The following EOGT variants were observed in gnomAD, a reference collection of about 807,000 sequenced individuals.
EOGT encodes EGF domain-specific O-linked N-acetylglucosamine transferase.
Under a neutral mutation model 70.5 loss-of-function variants are expected in EOGT, and 55 were observed. The observed-to-expected ratio is 0.78, with a 90% CI of 0.63 to 0.98. EOGT has a LOEUF of 0.98. Ranked by LOEUF, EOGT falls within the 50% of genes least tolerant of loss-of-function variation. The pLI, the probability that EOGT is intolerant of heterozygous loss-of-function variation, is 0.00. For missense variants in EOGT, 703 were observed against 641.9 expected (o/e 1.10, Z -1.03); for synonymous variants, 246 against 217.1 (o/e 1.13, Z -1.17).
intron 9 of EOGT, among the ~76,000 whole-genome samples, chr3:68,998,964 C>T (rs931477797): frequency 8.6e-5 from 13 of 151,668 alleles, no homozygotes; most frequent in African/African-American, 3.1e-4. Context: ...CCTATTTAAT[C>T]ATTACATGTA....
At chr3:68,994,410 G>A (rs555754456) in intron 10 of EOGT, among the ~76,000 whole-genome samples, 1 of 152,262 alleles carries the variant, frequency 6.6e-6, no homozygotes, top group Non-Finnish European at 1.5e-5. Flanking sequence ...ACAGGGAATT[G>A]GAGAGGAAGA....
intron 10 of EOGT, 39 bp from the exon 11 acceptor site, chr3:68,989,056 A>G (rs1310067766): frequency 4.1e-6 from 5 of 1,212,316 alleles, no homozygotes; most frequent in Non-Finnish European, 5.7e-6. Flanking sequence ...GGGCAATAAA[A>G]GGATATAACA....
At chr3:69,008,403 G>C (rs986761292) in intron 5 of EOGT, 25 bp downstream of exon 5, 1 of 1,502,504 alleles carries the variant, frequency 6.7e-7, no homozygotes, top group Non-Finnish European at 9.3e-7. Flanking sequence ...AAGACTTGAA[G>C]AGGGTATTCC....
chr3:68,984,096 C>A (rs1426677267), intron 14 of EOGT, among the ~76,000 whole-genome samples: 2 of 152,240 alleles, frequency 1.3e-5, no homozygotes, highest in East Asian at 1.9e-4. Context: ...AATGCACAGC[C>A]AAAAATAAAT....
chr3:69,011,330 C>T (rs1423935844), intron 3 of EOGT, among the ~76,000 whole-genome samples: 2 of 151,252 alleles, frequency 1.3e-5, no homozygotes, highest in African/African-American at 4.8e-5. Flanking sequence ...TGATTATGGG[C>T]TGTGAAGATG....
At chr3:68,984,796 G>A (rs1325554080) in intron 14 of EOGT, among the ~76,000 whole-genome samples, 1 of 152,094 alleles carries the variant, frequency 6.6e-6, no homozygotes, top group Non-Finnish European at 1.5e-5. Flanking sequence ...CCTTTCTACT[G>A]GACTTCTCTG....
intron 14 of EOGT, among the ~76,000 whole-genome samples, chr3:68,986,038 G>A (rs1423174861): frequency 6.6e-6 from 1 of 152,056 alleles, no homozygotes; most frequent in Admixed American, 6.6e-5. Flanking sequence ...CATCTCTCTG[G>A]CCCCACTTCC....
intron 10 of EOGT, 108 bp from the exon 11 acceptor site, chr3:68,989,125 C>G (rs1431492507): frequency 1.7e-6 from 1 of 582,104 alleles, no homozygotes. Flanking sequence ...ACTAACAATC[C>G]TACGCAAGTT....
intron 8 of EOGT, 89 bp from the exon 9 acceptor site, chr3:69,001,803 G>C (rs1319180088): frequency 2.3e-6 from 2 of 853,510 alleles, no homozygotes; most frequent in East Asian, 2.6e-5. Flanking sequence ...TCATTAGGCA[G>C]ATTTTACCTC....
chr3:68,999,759 A>G (rs1452250529), intron 9 of EOGT, among the ~76,000 whole-genome samples: 3 of 152,208 alleles, frequency 2.0e-5, no homozygotes, highest in South Asian at 2.1e-4. Flanking sequence ...CGTAACATTT[A>G]GTGAGTTCCT....
chr3:68,996,266 C>T (rs148471023), intron 10 of EOGT, among the ~76,000 whole-genome samples: 1 of 152,280 alleles, frequency 6.6e-6, no homozygotes, highest in African/African-American at 2.4e-5. Context: ...GTCTAGGGAG[C>T]AGTGATCCTG....
rs74607759 is a variant in EOGT at position 68,984,921 on chromosome 3, G to T, written c.1153-2049C>A. 1.2e-3 allele frequency among the ~76,000 whole-genome samples: 185 copies of T among 152,268 alleles called. 2 individuals are homozygous for T. In the East Asian group the frequency reaches 0.028, roughly 23 times the overall value. On this transcript the variant is annotated intron_variant, in intron 14 of 17. Transcript: ENST00000383701. ...TTTAGTAGTAGCACACTCTGGCTAA[G>T]AAAGCAGTTTCAGTCCCTGACTACC...
At chr3:68,978,295 A>G (rs1272885031) in intron 17 of EOGT, 38 bp downstream of exon 17, 2 of 1,473,518 alleles carry the variant, frequency 1.4e-6, no homozygotes, top group Non-Finnish European at 1.9e-6. Flanking sequence ...TAAACCAATT[A>G]AAAATGAAGC....
At chr3:68,994,404 G>A (rs2091086514) in intron 10 of EOGT, among the ~76,000 whole-genome samples, 1 of 152,148 alleles carries the variant, frequency 6.6e-6, no homozygotes, top group African/African-American at 2.4e-5. Flanking sequence ...GGGGGAACAG[G>A]GAATTGGAGA....
chr3:68,990,106 GC>G (rs2090947104), intron 10 of EOGT, among the ~76,000 whole-genome samples: 1 of 151,868 alleles, frequency 6.6e-6, no homozygotes, highest in Non-Finnish European at 1.5e-5. Flanking sequence ...TATGTTCCAG[GC>G]AGTTTTTTTG....
chr3:68,993,411 G>C (rs1028463711), intron 10 of EOGT, among the ~76,000 whole-genome samples: 1 of 152,136 alleles, frequency 6.6e-6, no homozygotes, highest in Non-Finnish European at 1.5e-5. Context: ...AACATAACAA[G>C]AGTCACCTTT....
At chr3:68,993,346 T>C (rs938058191) in intron 10 of EOGT, among the ~76,000 whole-genome samples, 1 of 152,122 alleles carries the variant, frequency 6.6e-6, no homozygotes, top group Non-Finnish European at 1.5e-5. Context: ...TCTCTCAAGT[T>C]CAAAGTTCCA....
intron 9 of EOGT, 36 bp from the exon 10 acceptor site, chr3:68,998,150 C>A (rs2091202922): frequency 8.9e-7 from 1 of 1,123,340 alleles, no homozygotes; most frequent in Non-Finnish European, 1.3e-6. Flanking sequence ...TAATTAACAC[C>A]AAAGAGCACA....
At chr3:69,006,907 C>A (rs929190565) in intron 6 of EOGT, among the ~76,000 whole-genome samples, 2 of 152,196 alleles carry the variant, frequency 1.3e-5, no homozygotes, top group Non-Finnish European at 2.9e-5. Flanking sequence ...TCTGAGGACC[C>A]TGTTTTCCAT....
Sources: allele counts gnomAD v4.1 joint callset (sites outside exome capture counted in the v4.1 genomes callset), GRCh38; gene constraint gnomAD v4.1.1; transcripts MANE v1.5; gene names NCBI Gene and HGNC (gene_info 2026-07-23, HGNC 2026-07-21).